Variants in TAOK1 observed in about 807,000 individuals in gnomAD.
TAOK1 encodes the protein TAO kinase 1, also known as serine/threonine-protein kinase TAO1.
TAOK1 carries 21 observed loss-of-function variants against 138.3 expected under a neutral mutation model. That is an observed-to-expected ratio of 0.15 (90% CI 0.11 to 0.22). TAOK1 has a LOEUF of 0.22. TAOK1 is among the 10% of genes least tolerant of loss of function. The pLI, the probability that TAOK1 is intolerant of heterozygous loss-of-function variation, is 1.00. For missense variants in TAOK1, 651 were observed against 1,227.7 expected, an observed-to-expected ratio of 0.53 and a Z score of 7.02; for synonymous variants, 361 against 398.4, an observed-to-expected ratio of 0.91 and a Z score of 1.12.
chr17:29,449,638 C>T (rs576906928), intron 1 of TAOK1, among the ~76,000 whole-genome samples: 5 of 151,916 alleles, frequency 3.3e-5, no homozygotes, highest in Admixed American at 2.0e-4. Flanking sequence ...GTCAGGAGTT[C>T]GAGACCAGCC....
At chr17:29,408,430 G>T (rs1905055078) in intron 1 of TAOK1, among the ~76,000 whole-genome samples, 1 of 151,880 alleles carries the variant, frequency 6.6e-6, no homozygotes, top group Admixed American at 6.6e-5. Context: ...TGCCCAGGCA[G>T]GTCTCAAACT....
intron 1 of TAOK1, among the ~76,000 whole-genome samples, chr17:29,421,425 T>C (rs1226477714): frequency 6.6e-6 from 1 of 152,218 alleles, no homozygotes; most frequent in African/African-American, 2.4e-5. Flanking sequence ...TTTGGTATCA[T>C]GGTAATGTTG....
chr17:29,453,361 G>A (rs530084794), intron 2 of TAOK1, among the ~76,000 whole-genome samples: 38 of 151,666 alleles, frequency 2.5e-4, no homozygotes, highest in Non-Finnish European at 4.1e-4. Context: ...GCGTTTCACC[G>A]TGTTAGCCAA....
intron 8 of TAOK1, among the ~76,000 whole-genome samples, chr17:29,483,073 A>G (rs2031096508): frequency 6.6e-6 from 1 of 152,042 alleles, no homozygotes; most frequent in Non-Finnish European, 1.5e-5. Flanking sequence ...ATTGCATTAA[A>G]TTTTACTTAT....
chr17:29,525,933 G>T (rs2150769457), intron 17 of TAOK1, among the ~76,000 whole-genome samples: 1 of 152,332 alleles, frequency 6.6e-6, no homozygotes, highest in East Asian at 1.9e-4. Flanking sequence ...GGAGGCGGAG[G>T]TTGCAGTGAG....
At position 29,543,806 on chromosome 17, in the gene TAOK1, T is replaced by G. The variant is rs1213940735; in HGVS notation, c.*784T>G. On this transcript the variant is annotated 3_prime_UTR_variant, in exon 20 of 20. Transcript: ENST00000261716. The stretch of plus-strand genomic sequence containing the variant: ...TTGTATTATGATAAGATGGGGGTAC[T>G]TAAGGAGATCACAAGTTGTGTGAGG... The G allele has an allele frequency of 2.0e-5, 3 of 152,168 alleles. No homozygotes were observed. The highest frequency in any genetic ancestry group is 4.4e-5 in the Non-Finnish European group (3 of 68,036). 9.4% of individuals were successfully genotyped at this position (152,168 alleles called of 1,614,324 possible).
At chr17:29,480,687 G>A (rs182411515) in intron 7 of TAOK1, among the ~76,000 whole-genome samples, 1 of 151,772 alleles carries the variant, frequency 6.6e-6, no homozygotes, top group Non-Finnish European at 1.5e-5. Flanking sequence ...TGGCCAACAT[G>A]GTGAGACCCC....
intron 1 of TAOK1, among the ~76,000 whole-genome samples, chr17:29,420,909 A>G (rs899084684): frequency 3.3e-5 from 5 of 149,964 alleles, no homozygotes; most frequent in Admixed American, 3.3e-4. Context: ...TTATCATTGC[A>G]TGTGATATTA....
intron 1 of TAOK1, among the ~76,000 whole-genome samples, chr17:29,439,554 A>G (rs1302704820): frequency 6.6e-6 from 1 of 152,074 alleles, no homozygotes; most frequent in African/African-American, 2.4e-5. Context: ...GATTCAGTCA[A>G]AGGCCATACA....
intron 1 of TAOK1, among the ~76,000 whole-genome samples, chr17:29,429,222 A>T (rs1905747489): frequency 6.6e-6 from 1 of 152,072 alleles, no homozygotes; most frequent in Non-Finnish European, 1.5e-5. Context: ...ATAATTTCAG[A>T]TGTACAGAAA....
At chr17:29,472,803 C>T (rs1366618912) in intron 3 of TAOK1, among the ~76,000 whole-genome samples, 14 of 141,860 alleles carry the variant, frequency 9.9e-5, no homozygotes, top group African/African-American at 3.1e-4. Context: ...CCTGAACTCC[C>T]GACCTCAGGT....
At chr17:29,434,022 G>A (rs1905942713) in intron 1 of TAOK1, among the ~76,000 whole-genome samples, 1 of 152,166 alleles carries the variant, frequency 6.6e-6, no homozygotes, top group African/African-American at 2.4e-5. Context: ...GGCAAGAACA[G>A]ACAAACCGGG....
rs2031394237 is a variant in TAOK1 at position 29,495,508 on chromosome 17, C to G, written c.832-52C>G. The stretch of plus-strand genomic sequence containing the variant: ...TATCTCTAGGGTCTGAGAAGGAGTA[C>G]CTTGTCACTAATTGAAAAAAAAATC... On this transcript the variant is annotated intron_variant, in intron 10 of 19. Coordinates refer to ENST00000261716, the MANE Select transcript of TAOK1 (RefSeq NM_020791.4). 2.7e-6 allele frequency: 4 copies of G among 1,475,764 alleles called. No homozygotes were observed. The Admixed American group carries it at 6.0e-5, about 22-fold the overall frequency. The allele number at this position is 1,475,764 out of a possible 1,614,324, so 91.4% of individuals were successfully genotyped here.
intron 2 of TAOK1, among the ~76,000 whole-genome samples, chr17:29,464,516 AC>A (rs2153025378): frequency 6.6e-6 from 1 of 152,180 alleles, no homozygotes. Flanking sequence ...CTGCTAATGT[AC>A]TAAAGGCCAT....
At chr17:29,434,824 T>C (rs1905974351) in intron 1 of TAOK1, among the ~76,000 whole-genome samples, 1 of 152,190 alleles carries the variant, frequency 6.6e-6, no homozygotes, top group Non-Finnish European at 1.5e-5. Flanking sequence ...ATCCAGTTTT[T>C]TTCCTAGGGC....
chr17:29,475,112 TG>T (rs1162141496), intron 3 of TAOK1, among the ~76,000 whole-genome samples: 11 of 152,102 alleles, frequency 7.2e-5, no homozygotes, highest in Non-Finnish European at 1.0e-4. Flanking sequence ...AGCTAATTTT[TG>T]TATTTTTAGT....
chr17:29,419,717 C>T (rs1404140055), intron 1 of TAOK1, among the ~76,000 whole-genome samples: 1 of 151,928 alleles, frequency 6.6e-6, no homozygotes, highest in Non-Finnish European at 1.5e-5. Flanking sequence ...TGGTTTTGAA[C>T]TCCTGAGCTC....
At chr17:29,408,655 C>T (rs1436811177) in intron 1 of TAOK1, among the ~76,000 whole-genome samples, 4 of 151,744 alleles carry the variant, frequency 2.6e-5, no homozygotes, top group Non-Finnish European at 5.9e-5. Flanking sequence ...TTTCCTAGGC[C>T]CCTTTGCAGT....
intron 3 of TAOK1, among the ~76,000 whole-genome samples, chr17:29,472,322 G>A (rs1411432396): frequency 6.7e-6 from 1 of 148,574 alleles, no homozygotes; most frequent in Non-Finnish European, 1.5e-5. Flanking sequence ...GCATGATCTC[G>A]GCTCACTGCA....
Sources: allele counts gnomAD v4.1 joint callset (sites outside exome capture counted in the v4.1 genomes callset), GRCh38; gene constraint gnomAD v4.1.1; transcripts MANE v1.5; gene names NCBI Gene and HGNC (gene_info 2026-07-23, HGNC 2026-07-21).